Variants in IL1RAPL1 observed in about 807,000 individuals in gnomAD.
IL1RAPL1 encodes interleukin 1 receptor accessory protein like 1.
A neutral mutation model predicts 48.4 loss-of-function variants in IL1RAPL1; 3 were observed. The ratio of observed to expected loss-of-function variants is 0.06; its 90% CI spans 0.03 to 0.16. IL1RAPL1 has a LOEUF of 0.16. Ranked by LOEUF, IL1RAPL1 falls within the 10% of genes least tolerant of loss-of-function variation. IL1RAPL1 has a pLI of 1.00. For synonymous variants in IL1RAPL1, 185 were observed against 187.7 expected, an observed-to-expected ratio of 0.99 and a Z score of 0.12; for missense variants, 349 against 530.6, an observed-to-expected ratio of 0.66 and a Z score of 3.36.
chrX:29,268,094 A>G (rs1472816214), intron 2 of IL1RAPL1, among the ~76,000 whole-genome samples: 3 of 111,500 alleles, frequency 2.7e-5, no homozygotes, highest in Non-Finnish European at 5.6e-5. Context: ...CAATCTCATT[A>G]TGAGGACAGT....
At chrX:28,788,634 T>C (rs1369222464) in intron 1 of IL1RAPL1, among the ~76,000 whole-genome samples, 1 of 103,159 alleles carries the variant, frequency 9.7e-6, no homozygotes, top group Non-Finnish European at 2.0e-5. Context: ...GCCCAGCTAT[T>C]TTTTTTTTTT....
At chrX:29,769,452 TTTTTTTTTTG>T (rs1928999389) in intron 6 of IL1RAPL1, among the ~76,000 whole-genome samples, 2 of 75,880 alleles carry the variant, frequency 2.6e-5, no homozygotes, top group African/African-American at 1.1e-4. Flanking sequence ...TTTTTTTTTT[TTTTTTTTTTG>T]TGATGGAGTC....
intron 5 of IL1RAPL1, among the ~76,000 whole-genome samples, chrX:29,428,173 A>G (rs1287782537): frequency 8.9e-6 from 1 of 111,784 alleles, no homozygotes; most frequent in Non-Finnish European, 1.9e-5. Flanking sequence ...AAAGCCTGCA[A>G]GGTTGGTGTG....
At chrX:28,769,821 T>A (rs763957656) in intron 1 of IL1RAPL1, among the ~76,000 whole-genome samples, 14 of 111,841 alleles carry the variant, frequency 1.3e-4, no homozygotes, top group African/African-American at 4.5e-4. Context: ...TAAAATTCTA[T>A]GACTTTGAGG....
chrX:29,212,555 C>T (rs1279446254), intron 2 of IL1RAPL1, among the ~76,000 whole-genome samples: 1 of 111,645 alleles, frequency 9.0e-6, no homozygotes, highest in African/African-American at 3.3e-5. Flanking sequence ...GTGATCCACC[C>T]ACCTCGGCCT....
chrX:29,488,460 A>G (rs183529238), intron 5 of IL1RAPL1, among the ~76,000 whole-genome samples: 1 of 112,240 alleles, frequency 8.9e-6, no homozygotes, highest in East Asian at 2.8e-4. Context: ...ACAAAAAAAC[A>G]GAAGCCAATA....
chrX:29,068,736 G>C (rs1306102751), intron 2 of IL1RAPL1, among the ~76,000 whole-genome samples: 1 of 112,284 alleles, frequency 8.9e-6, no homozygotes, highest in Admixed American at 9.4e-5. Context: ...GATAGAAGGG[G>C]CAGGTTGAAG....
At chrX:29,299,013 G>A (rs1932492382) in intron 3 of IL1RAPL1, among the ~76,000 whole-genome samples, 2 of 109,085 alleles carry the variant, frequency 1.8e-5, no homozygotes, top group South Asian at 4.0e-4. Context: ...ATCTGGGTGG[G>A]CACCATCTAT....
At chrX:28,638,273 A>G (rs1158683900) in intron 1 of IL1RAPL1, among the ~76,000 whole-genome samples, 1 of 111,751 alleles carries the variant, frequency 8.9e-6, no homozygotes, top group African/African-American at 3.2e-5. Flanking sequence ...ACAAGAAAAT[A>G]CAGGTTAGTA....
At chrX:29,807,748 G>T (rs1273995138) in intron 6 of IL1RAPL1, among the ~76,000 whole-genome samples, 2 of 110,380 alleles carry the variant, frequency 1.8e-5, no homozygotes, top group East Asian at 5.6e-4. Context: ...AAGATTATTG[G>T]CTAATTAGGT....
chrX:28,965,216 T>C (rs1476304294), intron 2 of IL1RAPL1, among the ~76,000 whole-genome samples: 1 of 111,803 alleles, frequency 8.9e-6, no homozygotes, highest in Non-Finnish European at 1.9e-5. Flanking sequence ...TATAATAGAA[T>C]TGAACCTTAA....
At chrX:29,954,376 C>A in intron 9 of IL1RAPL1, 146 bp from the exon 10 acceptor site, 1 of 487,003 alleles carries the variant, frequency 2.1e-6, no homozygotes, top group East Asian at 3.8e-5. Context: ...TCATTGAACT[C>A]AATGAAACTT....
chrX:29,405,265 C>T (rs1424361950), intron 5 of IL1RAPL1, among the ~76,000 whole-genome samples: 1 of 109,563 alleles, frequency 9.1e-6, no homozygotes, highest in Non-Finnish European at 1.9e-5. Flanking sequence ...TTCAATATGC[C>T]ACTCCACTCT....
intron 2 of IL1RAPL1, among the ~76,000 whole-genome samples, chrX:29,216,823 G>A (rs1043736654): frequency 1.8e-5 from 2 of 111,678 alleles, no homozygotes. Context: ...TCACAATATA[G>A]CAAATAGCAG....
chrX:29,769,045 C>T (rs1361375314), intron 6 of IL1RAPL1, among the ~76,000 whole-genome samples: 1 of 111,177 alleles, frequency 9.0e-6, no homozygotes, highest in Non-Finnish European at 1.9e-5. Context: ...CCCATTCCCT[C>T]ATTGCCCCAG....
chrX:29,953,648 T>A (rs1933357187), intron 9 of IL1RAPL1, among the ~76,000 whole-genome samples: 1 of 111,579 alleles, frequency 9.0e-6, no homozygotes, highest in African/African-American at 3.3e-5. Context: ...AATAATGTCT[T>A]TCTATAATCA....
chrX:29,659,280 C>T (rs2147095770), intron 5 of IL1RAPL1, among the ~76,000 whole-genome samples: 1 of 112,130 alleles, frequency 8.9e-6, no homozygotes, highest in African/African-American at 3.2e-5. Context: ...GTTTTGCTCT[C>T]ACATATGAGT....
chrX:28,745,803 T>A (rs750341116), intron 1 of IL1RAPL1, among the ~76,000 whole-genome samples: 2 of 111,787 alleles, frequency 1.8e-5, no homozygotes, highest in Non-Finnish European at 3.8e-5. Flanking sequence ...ATATATATTT[T>A]AAAAACTGGA....
At chrX:28,677,469 A>G (rs1044619572) in intron 1 of IL1RAPL1, among the ~76,000 whole-genome samples, 3 of 111,961 alleles carry the variant, frequency 2.7e-5, no homozygotes, top group East Asian at 5.6e-4. Flanking sequence ...TGCTTAACCA[A>G]TCTCTTATTG....
Sources: allele counts gnomAD v4.1 joint callset (sites outside exome capture counted in the v4.1 genomes callset), GRCh38; gene constraint gnomAD v4.1.1; transcripts MANE v1.5; gene names NCBI Gene and HGNC (gene_info 2026-07-23, HGNC 2026-07-21).